INPP4B: variants seen among roughly 807,000 people sequenced by gnomAD.
INPP4B encodes the protein inositol polyphosphate-4-phosphatase type II B, also known as inositol polyphosphate 4-phosphatase type II.
INPP4B carries 55 observed loss-of-function variants against 122.5 expected under a neutral mutation model. That is an observed-to-expected ratio of 0.45 (90% CI 0.36 to 0.56). The LOEUF (loss-of-function observed/expected upper bound fraction) is 0.56, where lower values mean the gene tolerates loss of function less well. Ranked by LOEUF, INPP4B falls within the 20% of genes least tolerant of loss-of-function variation. The pLI is 0.00. For synonymous variants in INPP4B, 403 were observed against 388.7 expected, an observed-to-expected ratio of 1.04 and a Z score of -0.43; for missense variants, 1,000 against 1,097.7, an observed-to-expected ratio of 0.91 and a Z score of 1.26.
At chr4:142,247,529 T>C (rs1729524690) in intron 11 of INPP4B, among the ~76,000 whole-genome samples, 1 of 152,188 alleles carries the variant, frequency 6.6e-6, no homozygotes, top group African/African-American at 2.4e-5. Flanking sequence ...GGAGGGTGTA[T>C]GTGCCCAGGA....
rs537276445 is a variant in INPP4B at position 142,191,882 on chromosome 4, G to A, written c.1181+1205C>T. ...TGTACCAAAGTCAATTCCTTAAAAG[G>A]AAAAAAGAAAAATATATGTGTATTG... is the stretch of plus-strand genomic sequence containing the variant. On this transcript the variant is annotated intron_variant, in intron 15 of 25. Coordinates refer to ENST00000262992, the MANE Select transcript of INPP4B (RefSeq NM_001101669.3). 4.6e-5 allele frequency among the ~76,000 whole-genome samples: 7 copies of A among 151,664 alleles called. No individual in the cohort carries two copies. In the South Asian group the frequency reaches 1.2e-3, roughly 27 times the overall value.
In INPP4B at chr4:142,517,892, T is replaced by C. The variant is rs1179761687; in HGVS notation, c.-190-55166A>G. Among the ~76,000 whole-genome samples the C allele has an allele frequency of 2.0e-5, 3 of 152,220 alleles. No individual in the cohort carries two copies. In the East Asian group the frequency reaches 5.8e-4, roughly 29 times the overall value. Reference sequence around the variant, plus strand: ...TAAAATTCAGCAGGTCTGGTATTGATGGATGTATTTCCTTTTACCATATCT... The same window carrying C: ...TAAAATTCAGCAGGTCTGGTATTGACGGATGTATTTCCTTTTACCATATCT... On this transcript the variant is annotated intron_variant, in intron 2 of 25. Transcript: ENST00000262992.
chr4:142,694,749 A>C (rs1235619135), intron 2 of INPP4B, among the ~76,000 whole-genome samples: 1 of 151,876 alleles, frequency 6.6e-6, no homozygotes, highest in Non-Finnish European at 1.5e-5. Context: ...AATTGCACTA[A>C]TTTTTCAGTG....
intron 2 of INPP4B, among the ~76,000 whole-genome samples, chr4:142,655,385 A>AT (rs1270661598): frequency 6.6e-6 from 1 of 152,132 alleles, no homozygotes; most frequent in Admixed American, 6.5e-5. Flanking sequence ...GGAGCATATC[A>AT]TTATTTCAAT....
In INPP4B at chr4:142,193,183, T is replaced by C; in HGVS notation, c.1085A>G (p.Asp362Gly). Residue 362 changes from aspartate (D) to glycine (G), a missense_variant, in exon 15 of 26, where the codon GAT becomes GGT. Transcript: ENST00000262992. ...HSPHLKDALY[D>G]VITVGAPAAH... The stretch of plus-strand genomic sequence containing the variant: ...AGCTGGGGCTCCCACAGTGATGACA[T>C]CGTAGAGAGCATCTGGAGTAGAAAC... The C allele has an allele frequency of 6.2e-7, 1 of 1,608,032 alleles. No homozygotes were observed. Among genetic ancestry groups the C allele is most frequent in the Non-Finnish European group, 8.5e-7 (1 of 1,174,648 alleles).
intron 7 of INPP4B, among the ~76,000 whole-genome samples, chr4:142,326,757 C>A (rs972903714): frequency 7.2e-5 from 11 of 152,246 alleles, no homozygotes; most frequent in Admixed American, 1.3e-4. Context: ...ATAATGGAAG[C>A]AAAGAAATAA....
intron 1 of INPP4B, among the ~76,000 whole-genome samples, chr4:142,818,419 C>CA (rs1224230605): frequency 1.0e-4 from 15 of 150,656 alleles, no homozygotes. Flanking sequence ...GTTTTTTCTA[C>CA]AAAAAAGGAA....
At chr4:142,074,683 A>T (rs1769522066) in intron 25 of INPP4B, among the ~76,000 whole-genome samples, 1 of 152,114 alleles carries the variant, frequency 6.6e-6, no homozygotes, top group Admixed American at 6.6e-5. Flanking sequence ...TATTTATACA[A>T]GGGAGTATTA....
At chr4:142,773,049 A>C (rs1397986592) in intron 1 of INPP4B, among the ~76,000 whole-genome samples, 1 of 152,122 alleles carries the variant, frequency 6.6e-6, no homozygotes, top group Non-Finnish European at 1.5e-5. Context: ...GTCTAAAAAA[A>C]AGTTTAAAAA....
chr4:142,480,337 T>C (rs1420805486), intron 2 of INPP4B, among the ~76,000 whole-genome samples: 2 of 152,126 alleles, frequency 1.3e-5, no homozygotes, highest in Admixed American at 6.5e-5. Context: ...GTGGGGAGGA[T>C]CCTTTCAGCT....
chr4:142,841,754 A>G (rs1248419642), intron 1 of INPP4B, among the ~76,000 whole-genome samples: 7 of 151,948 alleles, frequency 4.6e-5, no homozygotes, highest in Non-Finnish European at 1.0e-4. Context: ...ATTTTTAAAA[A>G]TCATATTTTT....
At chr4:142,703,623 T>A (rs575864048) in intron 2 of INPP4B, among the ~76,000 whole-genome samples, 2 of 152,336 alleles carry the variant, frequency 1.3e-5, no homozygotes, top group African/African-American at 4.8e-5. Flanking sequence ...TTGTTTTCTC[T>A]GGGGCAGCTT....
Position 142,202,781 on chromosome 4 carries a change from A to G in INPP4B, c.1072+5644T>C, listed in dbSNP as rs529588904. ...ACTTGAGATATCTGAAAAACAACAAACAAAAACAATGAGAGTGGGCGGGGC... is the reference window on the plus strand; with the variant it reads ...ACTTGAGATATCTGAAAAACAACAAGCAAAAACAATGAGAGTGGGCGGGGC... On this transcript the variant is annotated intron_variant, in intron 14 of 25. Coordinates refer to ENST00000262992, the MANE Select transcript of INPP4B (RefSeq NM_001101669.3). The G allele has an allele frequency of 6.1e-6, 6 of 985,276 alleles. No individual in the cohort carries two copies. The South Asian group carries it at 1.9e-4, about 31-fold the overall frequency. 61.0% of individuals were successfully genotyped at this position (985,276 alleles called of 1,614,324 possible).
At chr4:142,190,768 C>T (rs565321058) in intron 15 of INPP4B, among the ~76,000 whole-genome samples, 1 of 150,786 alleles carries the variant, frequency 6.6e-6, no homozygotes, top group South Asian at 2.1e-4. Context: ...TGATATGTAA[C>T]ATCCCAGTGA....
chr4:142,451,538 A>G (rs910482634), intron 3 of INPP4B, among the ~76,000 whole-genome samples: 3 of 152,144 alleles, frequency 2.0e-5, no homozygotes, highest in African/African-American at 7.2e-5. Context: ...GGCGTGAGCC[A>G]CCGCTCCCAG....
At chr4:142,736,541 T>C (rs1029126925) in intron 1 of INPP4B, among the ~76,000 whole-genome samples, 5 of 152,310 alleles carry the variant, frequency 3.3e-5, no homozygotes. Context: ...TTCCTAGGTA[T>C]TTTATTCTCT....
intron 2 of INPP4B, among the ~76,000 whole-genome samples, chr4:142,548,997 T>C (rs1727344915): frequency 6.6e-6 from 1 of 152,040 alleles, no homozygotes; most frequent in Non-Finnish European, 1.5e-5. Flanking sequence ...AATTACACAA[T>C]GTCAGAATGA....
At chr4:142,604,118 G>A (rs998916038) in intron 2 of INPP4B, among the ~76,000 whole-genome samples, 6 of 151,764 alleles carry the variant, frequency 4.0e-5, no homozygotes, top group African/African-American at 1.5e-4. Context: ...CAGAATAAAG[G>A]GCAAAAATCT....
chr4:142,614,269 C>T (rs981306772), intron 2 of INPP4B, among the ~76,000 whole-genome samples: 7 of 151,960 alleles, frequency 4.6e-5, no homozygotes, highest in Admixed American at 4.6e-4. Context: ...TACCTACAAG[C>T]AAGTTGTCAA....
Sources: allele counts gnomAD v4.1 joint callset (sites outside exome capture counted in the v4.1 genomes callset), GRCh38; gene constraint gnomAD v4.1.1; transcripts MANE v1.5; gene names NCBI Gene and HGNC (gene_info 2026-07-23, HGNC 2026-07-21).